Variants in ASTN2 observed in about 807,000 individuals in gnomAD.
The protein encoded by ASTN2 is astrotactin 2.
A neutral mutation model predicts 139.8 loss-of-function variants in ASTN2; 54 were observed. That is an observed-to-expected ratio of 0.39 (90% confidence interval 0.31 to 0.48). The LOEUF is 0.48. Ranked by LOEUF, ASTN2 falls within the 20% of genes least tolerant of loss-of-function variation. The probability of loss-of-function intolerance (pLI) is 0.95; values close to 1 mark genes in which losing one functional copy is unlikely to be tolerated. For missense variants in ASTN2, 1,565 were observed against 1,725.1 expected, an observed-to-expected ratio of 0.91 and a Z score of 1.64; for synonymous variants, 756 against 719.5, an observed-to-expected ratio of 1.05 and a Z score of -0.81.
chr9:117,361,912 G>A (rs1263259382), intron 1 of ASTN2, among the ~76,000 whole-genome samples: 1 of 152,104 alleles, frequency 6.6e-6, no homozygotes, highest in African/African-American at 2.4e-5. Flanking sequence ...GTGAATGATG[G>A]CTAAGATTTA....
chr9:116,520,103 T>C (rs113864495), intron 19 of ASTN2, among the ~76,000 whole-genome samples: 1,866 of 152,058 alleles, frequency 0.012, 34 homozygotes, highest in African/African-American at 0.043. Context: ...ACCAATGCTA[T>C]TGACACTATT....
At chr9:116,997,251 C>T (rs1837052579) in intron 7 of ASTN2, among the ~76,000 whole-genome samples, 1 of 152,132 alleles carries the variant, frequency 6.6e-6, no homozygotes, top group Admixed American at 6.6e-5. Flanking sequence ...GCTTTGCAGG[C>T]TCCCTGAAAT....
intron 19 of ASTN2, among the ~76,000 whole-genome samples, chr9:116,570,977 G>C (rs183251818): frequency 6.6e-6 from 1 of 152,202 alleles, no homozygotes. Context: ...TACATCCTGA[G>C]AGTTTTGGTA....
chr9:117,165,942 A>C (rs1398033879), intron 3 of ASTN2, among the ~76,000 whole-genome samples: 1 of 152,262 alleles, frequency 6.6e-6, no homozygotes, highest in East Asian at 1.9e-4. Flanking sequence ...TCATAGGAAC[A>C]TCTGCACCTG....
chr9:116,717,402 A>C (rs1828341538), intron 16 of ASTN2, among the ~76,000 whole-genome samples: 2 of 152,116 alleles, frequency 1.3e-5, no homozygotes, highest in South Asian at 4.1e-4. Context: ...TCTGAGGAGA[A>C]ATACGTTGGC....
intron 13 of ASTN2, among the ~76,000 whole-genome samples, chr9:116,799,000 G>A (rs1830771907): frequency 6.9e-6 from 1 of 144,544 alleles, no homozygotes; most frequent in Admixed American, 7.4e-5. Flanking sequence ...TGCAATAGGT[G>A]TGAAAATATC....
At chr9:117,267,105 T>C (rs1588146794) in intron 2 of ASTN2, among the ~76,000 whole-genome samples, 2 of 152,344 alleles carry the variant, frequency 1.3e-5, no homozygotes, top group African/African-American at 2.4e-5. Context: ...ACTTCATCTT[T>C]GTGGCATTCT....
At chr9:117,331,308 G>T (rs1042870859) in intron 1 of ASTN2, among the ~76,000 whole-genome samples, 2 of 152,100 alleles carry the variant, frequency 1.3e-5, no homozygotes, top group African/African-American at 4.8e-5. Flanking sequence ...TCTGTTCTTT[G>T]CATGAAGGTC....
chr9:117,227,312 T>C (rs927125133), intron 2 of ASTN2, among the ~76,000 whole-genome samples: 1 of 152,238 alleles, frequency 6.6e-6, no homozygotes, highest in South Asian at 2.1e-4. Context: ...TACACACTAA[T>C]TTGTTAACTT....
At chr9:116,963,222 T>A (rs1835918676) in intron 10 of ASTN2, among the ~76,000 whole-genome samples, 1 of 152,218 alleles carries the variant, frequency 6.6e-6, no homozygotes, top group African/African-American at 2.4e-5. Flanking sequence ...GAGGAAGTGA[T>A]GCTTCTGTAA....
At chr9:116,727,149 T>C (rs990869252) in intron 15 of ASTN2, among the ~76,000 whole-genome samples, 2 of 152,120 alleles carry the variant, frequency 1.3e-5, no homozygotes, top group African/African-American at 2.4e-5. Context: ...CACATCATTA[T>C]GGACAGGAGT....
intron 16 of ASTN2, among the ~76,000 whole-genome samples, chr9:116,677,296 C>T (rs1360502025): frequency 6.6e-6 from 1 of 151,936 alleles, no homozygotes; most frequent in East Asian, 1.9e-4. Context: ...AGAGGAGGCA[C>T]CATAGACCCT....
intron 19 of ASTN2, among the ~76,000 whole-genome samples, chr9:116,557,223 C>CAAAAAAAAAAAAAA (rs60756690): frequency 5.6e-5 from 3 of 53,594 alleles, no homozygotes; most frequent in African/African-American, 2.2e-4. Context: ...GACTCTGTCT[C>CAAAAAAAAAAAAAA]AAAAAAAAAA....
At position 117,110,278 on chromosome 9, in the gene ASTN2, TC is replaced by T. The variant is rs762760978; in HGVS notation, c.1169-14128del. 5.8e-4 allele frequency among the ~76,000 whole-genome samples: 88 copies of T among 152,162 alleles called. 1 individual carries two copies. Among genetic ancestry groups the T allele is most frequent in the Non-Finnish European group, 8.8e-5 (6 of 68,002 alleles). ...AAAAAAGAACCTTAAAAAATGCCCA[TC>T]CATTTTGACCTGCTTCTGGGAATTC... is the stretch of plus-strand genomic sequence containing the variant. On this transcript the variant is annotated intron_variant, in intron 4 of 22. Coordinates refer to ENST00000313400, the MANE Select transcript of ASTN2 (RefSeq NM_001365068.1).
chr9:117,162,174 G>A (rs527610245), intron 3 of ASTN2, among the ~76,000 whole-genome samples: 2 of 152,034 alleles, frequency 1.3e-5, no homozygotes, highest in Non-Finnish European at 2.9e-5. Flanking sequence ...TCCTATCAGG[G>A]GAAGAACAGG....
At chr9:117,379,791 A>G (rs554543361) in intron 1 of ASTN2, among the ~76,000 whole-genome samples, 1 of 152,298 alleles carries the variant, frequency 6.6e-6, no homozygotes, top group East Asian at 1.9e-4. Flanking sequence ...TCTCATCTAT[A>G]TATTTTATCA....
intron 4 of ASTN2, among the ~76,000 whole-genome samples, chr9:117,121,504 C>T (rs1281957822): frequency 6.6e-6 from 1 of 152,204 alleles, no homozygotes; most frequent in Non-Finnish European, 1.5e-5. Flanking sequence ...AAATTACACA[C>T]TTGGGAATAT....
At chr9:116,601,362 A>C (rs556361967) in intron 19 of ASTN2, among the ~76,000 whole-genome samples, 1 of 152,380 alleles carries the variant, frequency 6.6e-6, no homozygotes, top group Admixed American at 6.5e-5. Flanking sequence ...TAAGATACCT[A>C]TTCATCAAAT....
chr9:116,813,327 G>T (rs141775908), intron 12 of ASTN2, among the ~76,000 whole-genome samples: 1 of 152,312 alleles, frequency 6.6e-6, no homozygotes, highest in East Asian at 1.9e-4. Flanking sequence ...TATGTGTTTA[G>T]CTCAGAGCAT....
Sources: allele counts gnomAD v4.1 joint callset (sites outside exome capture counted in the v4.1 genomes callset), GRCh38; gene constraint gnomAD v4.1.1; transcripts MANE v1.5; gene names NCBI Gene and HGNC (gene_info 2026-07-23, HGNC 2026-07-21).